The following NECAB1 variants were observed in gnomAD, a reference collection of about 807,000 sequenced individuals.
NECAB1 encodes the protein N-terminal EF-hand calcium-binding protein 1.
In NECAB1, 29 loss-of-function variants were observed where a neutral mutation model predicts 57.5. That is an observed-to-expected ratio of 0.50 (90% confidence interval 0.38 to 0.69). The LOEUF (loss-of-function observed/expected upper bound fraction) is 0.69. Among genes scored for constraint, NECAB1 ranks in the 30% least tolerant of loss-of-function variants. The pLI, the probability that NECAB1 is intolerant of heterozygous loss-of-function variation, is 0.00. For synonymous variants in NECAB1, 142 were observed against 147.7 expected (o/e 0.96, Z 0.28); for missense variants, 372 against 413.8 (o/e 0.90, Z 0.88).
intron 4 of NECAB1, among the ~76,000 whole-genome samples, chr8:90,876,052 C>T (rs1278049242): frequency 7.2e-5 from 11 of 152,036 alleles, no homozygotes; most frequent in African/African-American, 2.4e-4. Context: ...AATAAAATAA[C>T]TGAGCGTACG....
chr8:90,829,616 T>G (rs1437866461), intron 3 of NECAB1, among the ~76,000 whole-genome samples: 11 of 152,038 alleles, frequency 7.2e-5, no homozygotes. Flanking sequence ...TGATATCTTC[T>G]GATCAAGTGT....
chr8:90,864,399 C>T (rs1808470213), intron 3 of NECAB1, among the ~76,000 whole-genome samples: 1 of 151,688 alleles, frequency 6.6e-6, no homozygotes, highest in African/African-American at 2.4e-5. Context: ...ACTTAAACTA[C>T]TCAGCAACAA....
Position 90,901,028 on chromosome 8 carries a change from CCTT to C in NECAB1, c.358-16462_358-16460del, listed in dbSNP as rs539498058. 1.8e-3 allele frequency among the ~76,000 whole-genome samples: 277 copies of C among 151,956 alleles called. 2 individuals are homozygous for C. Among genetic ancestry groups the C allele is most frequent in the African/African-American group, 6.1e-3 (254 of 41,466 alleles). On this transcript the variant is annotated intron_variant, in intron 5 of 12. Coordinates refer to ENST00000417640, the MANE Select transcript of NECAB1 (RefSeq NM_022351.5). ...TATAAATTAGAATCTAAAAATTTAC[CCTT>C]CAACATTAATATTTTTTAGTGCTCT...
At chr8:90,809,810 C>T (rs1238763276) in intron 2 of NECAB1, among the ~76,000 whole-genome samples, 2 of 152,010 alleles carry the variant, frequency 1.3e-5, no homozygotes, top group Non-Finnish European at 2.9e-5. Context: ...CAAAATCACA[C>T]CTAAGTTGTT....
chr8:90,801,717 TA>T lies in NECAB1; in HGVS notation c.124+4del. ...TACTGAGGAGAGCAGACAAAAATGG[TA>T]AGACCAAAAATCTACAGTATCTATT... On this transcript the variant is annotated splice_donor_region_variant and intron_variant, in intron 2 of 12. Transcript: ENST00000417640. 1 of 1,520,762 alleles carries T rather than the reference TA, an allele frequency of 6.6e-7. No homozygotes were observed. The highest frequency in any genetic ancestry group is 8.9e-7 in the Non-Finnish European group (1 of 1,126,998). The allele number at this position is 1,520,762 out of a possible 1,614,324, so 94.2% of individuals were successfully genotyped here.
intron 5 of NECAB1, among the ~76,000 whole-genome samples, chr8:90,882,157 TC>T (rs2129880964): frequency 6.6e-6 from 1 of 152,294 alleles, no homozygotes; most frequent in Admixed American, 6.5e-5. Context: ...CCTCATGCAG[TC>T]TTTCAAAAAG....
In NECAB1 at chr8:90,839,509, CAG is replaced by C. The variant is rs1252998679; in HGVS notation, c.233+14685_233+14686del. ...CAAGCAATAACTTGATTAATTATGA[CAG>C]GGAGATATAGTGCTTTGAGAGGAAC... is the stretch of plus-strand genomic sequence containing the variant. On this transcript the variant is annotated intron_variant, in intron 3 of 12. Coordinates refer to ENST00000417640, the MANE Select transcript of NECAB1 (RefSeq NM_022351.5). Among the ~76,000 whole-genome samples, 4 of 152,258 alleles carry C rather than the reference CAG, an allele frequency of 2.6e-5. No individual in the cohort carries two copies. In the East Asian group the frequency reaches 7.7e-4, roughly 29 times the overall value.
At chr8:90,938,831 G>A (rs1462556598) in intron 9 of NECAB1, among the ~76,000 whole-genome samples, 2 of 152,146 alleles carry the variant, frequency 1.3e-5, no homozygotes, top group Non-Finnish European at 2.9e-5. Flanking sequence ...CCCAAATTCA[G>A]TGGCTTAACA....
At chr8:90,808,736 G>C (rs1051040030) in intron 2 of NECAB1, among the ~76,000 whole-genome samples, 2 of 135,214 alleles carry the variant, frequency 1.5e-5, no homozygotes, top group Middle Eastern at 4.5e-3. Context: ...ACCTCCACCT[G>C]CCGGGTTCAA....
intron 3 of NECAB1, among the ~76,000 whole-genome samples, chr8:90,836,208 TA>T (rs375964880): frequency 6.6e-6 from 1 of 152,138 alleles, no homozygotes; most frequent in East Asian, 1.9e-4. Context: ...GTTTATATGT[TA>T]AAAAAAGTTT....
chr8:90,826,723 ATATT>A (rs1212302014), intron 3 of NECAB1, among the ~76,000 whole-genome samples: 1 of 151,606 alleles, frequency 6.6e-6, no homozygotes, highest in Non-Finnish European at 1.5e-5. Context: ...ATTAATATTA[ATATT>A]TATTCATACT....
rs74626002 is a variant in NECAB1, at chr8:90,921,994, G to C, written c.495-3541G>C. 1.6e-3 allele frequency among the ~76,000 whole-genome samples: 237 copies of C among 152,370 alleles called. 1 individual carries two copies. Among genetic ancestry groups the C allele is most frequent in the African/African-American group, 5.3e-3 (221 of 41,598 alleles). On this transcript the variant is annotated intron_variant, in intron 6 of 12. Coordinates refer to ENST00000417640, the MANE Select transcript of NECAB1 (RefSeq NM_022351.5). ...GGATGTGTACAGCTGGAATGCCACAGAGGTGGAATTTTCAGATGGCATGCT... is the reference window on the plus strand; with the variant it reads ...GGATGTGTACAGCTGGAATGCCACACAGGTGGAATTTTCAGATGGCATGCT...
intron 7 of NECAB1, among the ~76,000 whole-genome samples, chr8:90,927,202 C>CTTTT (rs1317423104): frequency 1.2e-3 from 93 of 77,738 alleles, no homozygotes; most frequent in East Asian, 1.6e-3. Context: ...TCTTTTCTCT[C>CTTTT]TCTTTTTTTT....
chr8:90,836,620 T>A (rs1812373815), intron 3 of NECAB1, among the ~76,000 whole-genome samples: 1 of 152,180 alleles, frequency 6.6e-6, no homozygotes, highest in Non-Finnish European at 1.5e-5. Context: ...GACTTCAGAG[T>A]GGCACAAAGA....
At chr8:90,926,421 A>G (rs1161984169) in intron 7 of NECAB1, among the ~76,000 whole-genome samples, 1 of 152,186 alleles carries the variant, frequency 6.6e-6, no homozygotes, top group African/African-American at 2.4e-5. Flanking sequence ...ATAGATGTTA[A>G]TTTCCCTATT....
intron 3 of NECAB1, among the ~76,000 whole-genome samples, chr8:90,849,934 T>C (rs1812651861): frequency 6.6e-6 from 1 of 152,222 alleles, no homozygotes; most frequent in Non-Finnish European, 1.5e-5. Flanking sequence ...GCACTTGAAC[T>C]CTTCAAAGCA....
chr8:90,886,903 A>C (rs190943361), intron 5 of NECAB1, among the ~76,000 whole-genome samples: 3 of 152,082 alleles, frequency 2.0e-5, no homozygotes, highest in African/African-American at 4.8e-5. Flanking sequence ...TGTCTCATTA[A>C]ATATTTTTAT....
intron 2 of NECAB1, among the ~76,000 whole-genome samples, chr8:90,811,771 C>T (rs970105460): frequency 1.2e-4 from 19 of 152,082 alleles, no homozygotes; most frequent in Non-Finnish European, 2.5e-4. Context: ...TGAGATAGTA[C>T]CTAGAACCCA....
chr8:90,883,532 G>A (rs951850729), intron 5 of NECAB1, among the ~76,000 whole-genome samples: 2 of 152,130 alleles, frequency 1.3e-5, no homozygotes, highest in Admixed American at 6.6e-5. Context: ...TATCTTGACT[G>A]GCAGTACCTC....
Sources: gnomAD v4.1 joint callset for allele counts (sites outside exome capture counted in the v4.1 genomes callset) on GRCh38, gnomAD v4.1.1 for gene constraint, MANE v1.5 for transcripts, NCBI Gene and HGNC (gene_info 2026-07-23, HGNC 2026-07-21) for gene names.